The following NFS1 variants were observed in gnomAD, a reference collection of about 807,000 sequenced individuals.
NFS1 encodes the protein cysteine desulfurase.
A neutral mutation model predicts 57.3 loss-of-function variants in NFS1; 26 were observed. The observed-to-expected ratio is 0.45, with a 90% confidence interval of 0.33 to 0.63. NFS1 has a LOEUF of 0.63. NFS1 is among the 20% of genes least tolerant of loss of function. NFS1 has a pLI of 0.02. For synonymous variants in NFS1, 209 were observed against 216.3 expected (o/e 0.97, Z 0.30); for missense variants, 505 against 605.8 (o/e 0.83, Z 1.75).
intron 4 of NFS1, chr20:35,692,303 G>C (rs1480029236): frequency 4.1e-6 from 1 of 241,640 alleles, no homozygotes; most frequent in South Asian, 4.1e-5. Flanking sequence ...GAACCTGGGA[G>C]GCAGAGGTTG....
At position 35,698,688 on chromosome 20, in the gene NFS1, A is replaced by G. The variant is rs12479454; in HGVS notation, c.98-98T>C. On this transcript the variant is annotated intron_variant, in intron 1 of 12. Transcript: ENST00000374092. ...AAGGAAAAATCTGGCTGGAGGTGAG[A>G]TAAGTGTAAGGGATGCTAGGGTCGA... 6,790 of 1,473,596 alleles carry G rather than the reference A, an allele frequency of 4.6e-3. 168 individuals are homozygous for G. In the East Asian group the frequency reaches 0.068, roughly 15 times the overall value. 91.3% of individuals were successfully genotyped at this position (1,473,596 alleles called of 1,614,324 possible). A position where few individuals can be genotyped will look rare whatever the true frequency, so the allele number is the denominator to read the frequency against.
rs1346625895 is a variant in NFS1 at position 35,679,644 on chromosome 20, AAAT to A, written c.790+1090_790+1092del. On this transcript the variant is annotated intron_variant, in intron 7 of 12. Coordinates refer to ENST00000374092, the MANE Select transcript of NFS1 (RefSeq NM_021100.5). The stretch of plus-strand genomic sequence containing the variant: ...GACAGAACGCTTACTGGGCTTTTTG[AAAT>A]AATAACTCACAAAAAACACTCTACA... 2.0e-5 allele frequency among the ~76,000 whole-genome samples: 3 copies of A among 152,312 alleles called. No individual in the cohort carries two copies. In the East Asian group the frequency reaches 5.8e-4, roughly 29 times the overall value.
chr20:35,696,483 A>G, intron 3 of NFS1, 23 bp from the exon 4 acceptor site: 7 of 1,585,208 alleles, frequency 4.4e-6, no homozygotes, highest in Non-Finnish European at 6.1e-6. Context: ...AAACAGAGAT[A>G]TATAACATCA....
chr20:35,672,888 C>A, intron 11 of NFS1, 44 bp from the exon 12 acceptor site: 6 of 1,175,764 alleles, frequency 5.1e-6, no homozygotes, highest in Non-Finnish European at 6.2e-6. Flanking sequence ...AGAGCTCTGG[C>A]ACTGGGATAA....
chr20:35,691,738 CA>C (rs60402350), intron 4 of NFS1, among the ~76,000 whole-genome samples: 2,607 of 18,072 alleles, frequency 0.14, 33 homozygotes, highest in African/African-American at 0.34. Flanking sequence ...GACTGCATCT[CA>C]AAAAAAAAAA....
At chr20:35,698,635 C>G in intron 1 of NFS1, 45 bp from the exon 2 acceptor site, 1 of 1,543,494 alleles carries the variant, frequency 6.5e-7, no homozygotes, top group Non-Finnish European at 8.8e-7. Flanking sequence ...CCGAAGGCAA[C>G]TATGAACGCA....
intron 5 of NFS1, 108 bp from the exon 6 acceptor site, chr20:35,682,089 C>T: frequency 1.8e-6 from 1 of 549,978 alleles, no homozygotes; most frequent in South Asian, 2.2e-5. Flanking sequence ...ACATACCTAT[C>T]TGAATAGTTA....
chr20:35,669,642 T>A lies in NFS1; in HGVS notation c.1354A>T (p.Ile452Phe). ...TTCTTCTAGTGTTGGGTCCACTTGA[T>A]GCTCTTGAGGTCAATGCCATCCTGA... ...MVQDGIDLKS[I>F]KWTQH The change falls in exon 13 of 13, where the codon ATC becomes TTC. Residue 452 changes from isoleucine (I) to phenylalanine (F), a missense_variant. Ile to Phe is a conservative substitution (Grantham distance 21). Coordinates refer to ENST00000374092, the MANE Select transcript of NFS1 (RefSeq NM_021100.5). 6.2e-7 allele frequency: 1 copy of A among 1,614,074 alleles called. No individual in the cohort carries two copies. Among genetic ancestry groups the A allele is most frequent in the South Asian group, 1.1e-5 (1 of 91,082 alleles).
At chr20:35,690,073 TGA>T (rs1368361496) in intron 5 of NFS1, among the ~76,000 whole-genome samples, 2 of 152,086 alleles carry the variant, frequency 1.3e-5, no homozygotes, top group Non-Finnish European at 2.9e-5. Flanking sequence ...CATTCCAGCC[TGA>T]GTTATAAGAG....
Position 35,696,361 on chromosome 20 carries a change from G to T in NFS1, c.408+16C>A, listed in dbSNP as rs760222418. The T allele has an allele frequency of 5.7e-6, 9 of 1,581,762 alleles. No individual in the cohort carries two copies. The East Asian group carries it at 1.8e-4, about 31-fold the overall frequency. ...TCAGGAAAGCCCACATACACCCTCT[G>T]GTTCCCTTCTCTTACCTTAATTGCT... On this transcript the variant is annotated intron_variant, in intron 4 of 12. Coordinates refer to ENST00000374092, the MANE Select transcript of NFS1 (RefSeq NM_021100.5).
rs962712114 is a variant in NFS1, at chr20:35,699,305, C to T, written c.-17G>A. The T allele has an allele frequency of 7.2e-6, 10 of 1,397,886 alleles. No homozygotes were observed. Among genetic ancestry groups the T allele is most frequent in the Non-Finnish European group, 9.2e-6 (10 of 1,083,582 alleles). The allele number at this position is 1,397,886 out of a possible 1,614,324, so 86.6% of individuals were successfully genotyped here. ...GAGCAGCATGGTCCCGCTGGCAGAG[C>T]CCACCTTCCGAAGCCGCTGCAGTCC... On this transcript the variant is annotated 5_prime_UTR_variant, in exon 1 of 13. Transcript: ENST00000374092. This position sits in a 1 kb window ranked among gnomAD's most constrained non-coding sequence, Gnocchi z 4.4.
In NFS1 at chr20:35,680,762, A is replaced by G. The variant is rs768442870; in HGVS notation, c.765T>C (p.Ser255=). ...CTTTGGGACCGTAGATTTTGTGACC[A>G]CTAATGCTCATGAGATCAATTTTCA... is the stretch of plus-strand genomic sequence containing the variant. ...NDMKIDLMSI[S]GHKIYGPKGV... The change falls in exon 7 of 13, where the codon AGT becomes AGC. Residue 255 remains serine (S), a synonymous_variant. Transcript: ENST00000374092. The G allele has an allele frequency of 6.4e-7, 1 of 1,565,510 alleles. No individual in the cohort carries two copies. The highest frequency in any genetic ancestry group is 2.5e-5 in the East Asian group (1 of 40,810).
rs914605599 is a variant in NFS1 at position 35,669,617 on chromosome 20, T to A, written c.*5A>T. The A allele has an allele frequency of 1.9e-6, 3 of 1,613,928 alleles. No homozygotes were observed. The African/African-American group carries it at 4.0e-5, about 22-fold the overall frequency. On this transcript the variant is annotated 3_prime_UTR_variant, in exon 13 of 13. Coordinates refer to ENST00000374092, the MANE Select transcript of NFS1 (RefSeq NM_021100.5). ...AGACCAGCACAAAGTCAGGGCCCTA[T>A]TCTTCTAGTGTTGGGTCCACTTGAT... is the stretch of plus-strand genomic sequence containing the variant.
intron 4 of NFS1, among the ~76,000 whole-genome samples, chr20:35,693,446 T>TG (rs2035078205): frequency 6.6e-6 from 1 of 152,104 alleles, no homozygotes; most frequent in Non-Finnish European, 1.5e-5. Context: ...ACACACCATA[T>TG]GTGACAGAAT....
Position 35,675,107 on chromosome 20 carries a change from C to T in NFS1, c.886G>A (p.Val296Met), listed in dbSNP as rs2034718998. The T allele has an allele frequency of 6.2e-7, 1 of 1,613,962 alleles. No individual in the cohort carries two copies. Among genetic ancestry groups the T allele is most frequent in the Admixed American group, 1.7e-5 (1 of 60,004 alleles). Residue 296 changes from valine to methionine, a missense_variant, in exon 8 of 13, where the codon GTG (valine) becomes ATG (methionine). Transcript: ENST00000374092. ...GQERGMRSGT[V>M]PTPLVVGLGA... ...AGCCCCACCACTAAGGGTGTGGGCA[C>T]TGTCCCAGACCGCATACCCCGCTCC...
chr20:35,690,453 G>C lies in NFS1; in HGVS notation c.521C>G (p.Thr174Ser), dbSNP rs773889381. The C allele has an allele frequency of 1.1e-5, 17 of 1,613,756 alleles. No individual in the cohort carries two copies. The highest frequency in any genetic ancestry group is 1.7e-5 in the Admixed American group (1 of 59,940). ...CCCACTCTTCTGCACTGGGAGGTAG[G>C]TGACCTGAAAGCCCTCAGCTTCCAG... The part of the protein sequence containing the change: ...RSLEAEGFQV[T>S]YLPVQKSGII... Residue 174 changes from threonine to serine, a missense_variant, in exon 5 of 13, where the codon ACC (threonine) becomes AGC (serine). Coordinates refer to ENST00000374092, the MANE Select transcript of NFS1 (RefSeq NM_021100.5).
At chr20:35,692,527 TAAAAAAAAAAAAA>T (rs61052129) in intron 4 of NFS1, among the ~76,000 whole-genome samples, 10 of 42,736 alleles carry the variant, frequency 2.3e-4, no homozygotes, top group Admixed American at 1.1e-3. Flanking sequence ...TCATCTATAC[TAAAAAAAAAAAAA>T]AAAAAAAAAA....
At chr20:35,682,426 A>G (rs2034863398) in intron 5 of NFS1, among the ~76,000 whole-genome samples, 1 of 152,230 alleles carries the variant, frequency 6.6e-6, no homozygotes, top group Admixed American at 6.5e-5. Flanking sequence ...ACTACTTATC[A>G]ATCAAAAGGA....
chr20:35,681,472 C>G (rs549891019), intron 6 of NFS1, among the ~76,000 whole-genome samples: 1 of 152,096 alleles, frequency 6.6e-6, no homozygotes, highest in Admixed American at 6.5e-5. Context: ...CCAAGGCAGA[C>G]GGATCACCTG....
Sources: allele counts gnomAD v4.1 joint callset (sites outside exome capture counted in the v4.1 genomes callset), GRCh38; gene constraint gnomAD v4.1.1; non-coding constraint Gnocchi (gnomAD v3.1); transcripts MANE v1.5; gene names NCBI Gene and HGNC (gene_info 2026-07-23, HGNC 2026-07-21).